Variants in ATXN1 observed in about 807,000 individuals in gnomAD.
ATXN1 encodes ataxin 1.
In ATXN1, 8 loss-of-function variants were observed where a neutral mutation model predicts 56.4. That is an observed-to-expected ratio of 0.14 (90% CI 0.08 to 0.26). The LOEUF (loss-of-function observed/expected upper bound fraction) is 0.26. Ranked by LOEUF, ATXN1 falls within the 10% of genes least tolerant of loss-of-function variation. The pLI is 1.00. For missense variants in ATXN1, 987 were observed against 1,106.5 expected (o/e 0.89, Z 1.53); for synonymous variants, 514 against 494.6 (o/e 1.04, Z -0.52).
chr6:16,525,270 T>G (rs757433406), intron 4 of ATXN1, among the ~76,000 whole-genome samples: 1 of 152,190 alleles, frequency 6.6e-6, no homozygotes, highest in Non-Finnish European at 1.5e-5. Context: ...GGAAGCAATC[T>G]AAATGTCTAC....
intron 4 of ATXN1, among the ~76,000 whole-genome samples, chr6:16,550,321 C>T (rs1258871896): frequency 2.0e-5 from 3 of 152,200 alleles, no homozygotes; most frequent in Non-Finnish European, 4.4e-5. Flanking sequence ...AACATGGCCT[C>T]TTCCAACCAC....
chr6:16,508,837 T>C (rs955167842), intron 5 of ATXN1, among the ~76,000 whole-genome samples: 1 of 152,168 alleles, frequency 6.6e-6, no homozygotes, highest in Non-Finnish European at 1.5e-5. Flanking sequence ...GCAGCATTAT[T>C]CACAGTAACC....
intron 2 of ATXN1, among the ~76,000 whole-genome samples, chr6:16,709,449 A>ACAGGATAC (rs1759478786): frequency 2.6e-5 from 4 of 152,188 alleles, no homozygotes; most frequent in Admixed American, 2.6e-4. Context: ...ATGATGATAC[A>ACAGGATAC]ACTGTTCTGT....
At chr6:16,372,566 C>G (rs1561871036) in intron 6 of ATXN1, among the ~76,000 whole-genome samples, 1 of 152,318 alleles carries the variant, frequency 6.6e-6, no homozygotes, top group East Asian at 1.9e-4. Flanking sequence ...CAAGGGCCCA[C>G]ATATACAACC....
intron 2 of ATXN1, among the ~76,000 whole-genome samples, chr6:16,724,206 T>G (rs999606985): frequency 1.3e-5 from 2 of 152,090 alleles, no homozygotes; most frequent in African/African-American, 4.8e-5. Context: ...TGGAAAAACT[T>G]CATGAGAAAC....
chr6:16,725,336 T>C (rs915390446), intron 2 of ATXN1, among the ~76,000 whole-genome samples: 27 of 152,296 alleles, frequency 1.8e-4, no homozygotes, highest in African/African-American at 6.5e-4. Flanking sequence ...TGTTAATTTG[T>C]TATTGCGAGT....
intron 4 of ATXN1, among the ~76,000 whole-genome samples, chr6:16,577,438 TGCTTG>T (rs1166162742): frequency 1.3e-5 from 2 of 151,090 alleles, no homozygotes; most frequent in South Asian, 4.2e-4. Flanking sequence ...GCAAAAGGAT[TGCTTG>T]AACCTGGGAG....
chr6:16,727,255 A>G (rs1759870543), intron 2 of ATXN1, among the ~76,000 whole-genome samples: 4 of 152,192 alleles, frequency 2.6e-5, no homozygotes, highest in Admixed American at 2.0e-4. Flanking sequence ...AAGCAAATAG[A>G]TGTATTAAAT....
intron 4 of ATXN1, among the ~76,000 whole-genome samples, chr6:16,563,297 A>G (rs1412172354): frequency 6.6e-6 from 1 of 152,192 alleles, no homozygotes; most frequent in Non-Finnish European, 1.5e-5. Context: ...CCTCAGATTA[A>G]CAGTAAGAAT....
chr6:16,330,844 T>C (rs746424525), intron 6 of ATXN1, among the ~76,000 whole-genome samples: 20 of 152,162 alleles, frequency 1.3e-4, no homozygotes, highest in Non-Finnish European at 1.9e-4. Flanking sequence ...TGTCTCGATA[T>C]CAAAGGACAT....
At chr6:16,315,185 G>A (rs190943390) in intron 7 of ATXN1, among the ~76,000 whole-genome samples, 2 of 152,056 alleles carry the variant, frequency 1.3e-5, no homozygotes, top group South Asian at 2.1e-4. Flanking sequence ...CAGACCTCCC[G>A]ATGTGCCCCT....
intron 6 of ATXN1, among the ~76,000 whole-genome samples, chr6:16,437,883 G>A (rs1759426291): frequency 6.6e-6 from 1 of 152,184 alleles, no homozygotes; most frequent in African/African-American, 2.4e-5. Flanking sequence ...CCTTGTCTGG[G>A]GAAGAGGGTG....
At chr6:16,580,276 C>G (rs775664568) in intron 4 of ATXN1, among the ~76,000 whole-genome samples, 14 of 152,224 alleles carry the variant, frequency 9.2e-5, no homozygotes, top group Non-Finnish European at 2.1e-4. Flanking sequence ...TCTCCTATCT[C>G]ACATTCCTGA....
intron 2 of ATXN1, among the ~76,000 whole-genome samples, chr6:16,722,649 TATCC>T (rs1350321992): frequency 6.6e-6 from 1 of 152,170 alleles, no homozygotes; most frequent in African/African-American, 2.4e-5. Flanking sequence ...CATCTACAAT[TATCC>T]AGAGAAAATA....
chr6:16,728,846 G>C (rs1325362610), intron 2 of ATXN1, among the ~76,000 whole-genome samples: 1 of 152,156 alleles, frequency 6.6e-6, no homozygotes, highest in Non-Finnish European at 1.5e-5. Context: ...ACCAAGTGTG[G>C]ATCCCAGCTG....
At chr6:16,662,452 C>G (rs949211999) in intron 2 of ATXN1, among the ~76,000 whole-genome samples, 1 of 152,202 alleles carries the variant, frequency 6.6e-6, no homozygotes, top group African/African-American at 2.4e-5. Context: ...CCTGCCTCAG[C>G]CTCCCAAGTA....
intron 3 of ATXN1, among the ~76,000 whole-genome samples, chr6:16,647,114 C>T (rs890117530): frequency 6.6e-6 from 1 of 152,158 alleles, no homozygotes; most frequent in African/African-American, 2.4e-5. Flanking sequence ...AAGCAATTCT[C>T]CTGTCTCAGA....
At chr6:16,528,040 C>T (rs1761427284) in intron 4 of ATXN1, among the ~76,000 whole-genome samples, 1 of 152,098 alleles carries the variant, frequency 6.6e-6, no homozygotes, top group African/African-American at 2.4e-5. Flanking sequence ...GTGGCTCATG[C>T]CTGTAATCCC....
intron 6 of ATXN1, among the ~76,000 whole-genome samples, chr6:16,373,826 C>G (rs1285526723): frequency 6.6e-6 from 1 of 152,080 alleles, no homozygotes; most frequent in Non-Finnish European, 1.5e-5. Context: ...TATAAATTAC[C>G]TAGGCTTGGG....
Sources: gnomAD v4.1 joint callset for allele counts (sites outside exome capture counted in the v4.1 genomes callset) on GRCh38, gnomAD v4.1.1 for gene constraint, MANE v1.5 for transcripts, NCBI Gene and HGNC (gene_info 2026-07-23, HGNC 2026-07-21) for gene names.